Variants in WDFY3 observed in about 807,000 individuals in gnomAD.
WDFY3 encodes the protein WD repeat and FYVE domain containing 3, also known as WD repeat and FYVE domain-containing protein 3.
In WDFY3, 66 loss-of-function variants were observed where a neutral mutation model predicts 409.6. The observed-to-expected ratio is 0.16, with a 90% confidence interval of 0.13 to 0.20. The LOEUF is 0.20. Ranked by LOEUF, WDFY3 falls within the 10% of genes least tolerant of loss-of-function variation. WDFY3 has a pLI of 1.00. For missense variants in WDFY3, 3,031 were observed against 4,298.1 expected, an observed-to-expected ratio of 0.71 and a Z score of 8.24; for synonymous variants, 1,521 against 1,537.1, an observed-to-expected ratio of 0.99 and a Z score of 0.25.
intron 61 of WDFY3, among the ~76,000 whole-genome samples, chr4:84,689,761 G>A (rs1436891642): frequency 1.3e-5 from 2 of 152,166 alleles, no homozygotes; most frequent in Non-Finnish European, 2.9e-5. Context: ...TAACTACCTT[G>A]TAGAATTGTG....
chr4:84,691,208 C>T (rs1407171537), intron 60 of WDFY3, among the ~76,000 whole-genome samples: 2 of 152,128 alleles, frequency 1.3e-5, no homozygotes, highest in Non-Finnish European at 2.9e-5. Flanking sequence ...GTTGCTGTTG[C>T]TTCTTGTGGG....
chr4:84,742,477 C>T (rs1446906574), intron 37 of WDFY3, among the ~76,000 whole-genome samples: 1 of 152,078 alleles, frequency 6.6e-6, no homozygotes, highest in African/African-American at 2.4e-5. Context: ...GTGTGTTTGC[C>T]ATATACATAT....
In WDFY3 at chr4:84,707,614, T is replaced by C. The variant is rs1480557118; in HGVS notation, c.8217+1295A>G. On this transcript the variant is annotated intron_variant, in intron 53 of 67. Coordinates refer to ENST00000295888, the MANE Select transcript of WDFY3 (RefSeq NM_014991.6). ...TTCCTATGAGATACATATTCAAATA[T>C]GAGTTGACAAAGTACTCCACTCCCT... is the stretch of plus-strand genomic sequence containing the variant. 3.3e-5 allele frequency among the ~76,000 whole-genome samples: 5 copies of C among 152,356 alleles called. No individual in the cohort carries two copies. In the South Asian group the frequency reaches 8.3e-4, roughly 25 times the overall value.
chr4:84,698,620 T>C (rs189819923), intron 56 of WDFY3, among the ~76,000 whole-genome samples: 1 of 152,250 alleles, frequency 6.6e-6, no homozygotes, highest in African/African-American at 2.4e-5. Flanking sequence ...CAAGGATGCA[T>C]GGACAAGAAG....
intron 17 of WDFY3, 98 bp downstream of exon 17, chr4:84,801,552 T>C (rs1164631959): frequency 3.0e-6 from 4 of 1,311,980 alleles, no homozygotes; most frequent in Non-Finnish European, 3.1e-6. Context: ...CATAGATAAC[T>C]GAATATATGT....
chr4:84,751,311 G>T, intron 36 of WDFY3, 172 bp downstream of exon 36: 1 of 659,372 alleles, frequency 1.5e-6, no homozygotes, highest in East Asian at 2.7e-5. Context: ...AGAACAAACT[G>T]ATAGGGTTTA....
At chr4:84,691,876 A>G (rs929567284) in intron 59 of WDFY3, 91 bp from the exon 60 acceptor site, 5 of 1,267,448 alleles carry the variant, frequency 3.9e-6, no homozygotes, top group Non-Finnish European at 5.3e-6. Context: ...TATTCATATA[A>G]ATCAAGCATC....
Position 84,860,523 on chromosome 4 carries a change from T to C in WDFY3, c.69A>G (p.Leu23=), listed in dbSNP as rs767352703. Residue 23 remains leucine (L), a synonymous_variant, in exon 4 of 68, where the codon TTA becomes TTG. Transcript: ENST00000295888. ...AGAGCCGGCGGAGGTGCATCAGTCC[T>C]AAGGCGTTGTCTTGTGGGCTGCACT... ...QEECSPQDNA[L]GLMHLRRLFT... 3 of 1,613,998 alleles carry C rather than the reference T, an allele frequency of 1.9e-6. No individual in the cohort carries two copies. Among genetic ancestry groups the C allele is most frequent in the East Asian group, 2.2e-5 (1 of 44,864 alleles).
In WDFY3 at chr4:84,690,621, A is replaced by T. The variant is rs370542215; in HGVS notation, c.9248T>A (p.Leu3083His). The T allele has an allele frequency of 3.7e-6, 6 of 1,614,034 alleles. No homozygotes were observed. The African/African-American group carries it at 6.7e-5, about 18-fold the overall frequency. ...YECLSEWGQILCAICPNPKLV... is the reference protein window; with the variant it reads ...YECLSEWGQIHCAICPNPKLV... ...CTTGGGGTTGGGGCAGATTGCACAG[A>T]GAATCTGGCCCCACTCAGACAAGCA... The change falls in exon 61 of 68, where the codon CTC (leucine) becomes CAC (histidine). Residue 3083 changes from leucine to histidine, a missense_variant. Physicochemically the swap from Leu to His is moderately conservative, Grantham distance 99. Coordinates refer to ENST00000295888, the MANE Select transcript of WDFY3 (RefSeq NM_014991.6).
chr4:84,881,156 G>A (rs539346154), intron 3 of WDFY3, among the ~76,000 whole-genome samples: 30 of 151,830 alleles, frequency 2.0e-4, no homozygotes, highest in African/African-American at 5.8e-4. Context: ...CCATACATAC[G>A]CATCAATTGC....
At chr4:84,723,739 G>C (rs2149099554) in intron 46 of WDFY3, among the ~76,000 whole-genome samples, 1 of 152,336 alleles carries the variant, frequency 6.6e-6, no homozygotes, top group East Asian at 1.9e-4. Flanking sequence ...TCAGTGAACA[G>C]AGGAGTTGGA....
chr4:84,847,897 C>A, intron 5 of WDFY3, among the ~76,000 whole-genome samples: 1 of 128,702 alleles, frequency 7.8e-6, no homozygotes, highest in Admixed American at 7.5e-5. Flanking sequence ...AAATGAAAAA[C>A]ATTTTTTAAA....
At chr4:84,947,645 A>T (rs1162981437) in intron 1 of WDFY3, among the ~76,000 whole-genome samples, 2 of 150,076 alleles carry the variant, frequency 1.3e-5, no homozygotes, top group Admixed American at 1.3e-4. Flanking sequence ...CAAGGCAGTC[A>T]AGATCGCTTG....
At chr4:84,683,005 T>C (rs1727657087) in intron 63 of WDFY3, 1 of 153,890 alleles carries the variant, frequency 6.5e-6, no homozygotes, top group Non-Finnish European at 1.4e-5. Flanking sequence ...AAAAACATAG[T>C]TCAACTAAGT....
At chr4:84,777,430 G>A (rs376955267) in intron 27 of WDFY3, among the ~76,000 whole-genome samples, 4 of 152,030 alleles carry the variant, frequency 2.6e-5, no homozygotes, top group Non-Finnish European at 2.9e-5. Flanking sequence ...TAAGAAAGAT[G>A]TAAGAACCAG....
Position 84,743,798 on chromosome 4 carries a change from G to T in WDFY3, c.5975C>A (p.Ala1992Asp). 6.4e-7 allele frequency: 1 copy of T among 1,554,850 alleles called. No individual in the cohort carries two copies. ...AGTTCTTGTAGACCTTTCAGGGGAA[G>T]CCTAATCAAGAAAATTTAGAATTAG... ...QTPLIDLLLEASPERSTRTQQ... is the reference protein window; with the variant it reads ...QTPLIDLLLEDSPERSTRTQQ... The change falls in exon 37 of 68, where the codon GCT (alanine) becomes GAT (aspartate). Residue 1992 changes from alanine to aspartate, a missense_variant and splice_region_variant. By Grantham distance (126) the Ala-to-Asp change is moderately radical (BLOSUM62 -2). Around this residue, in one of 16 missense-constraint regions of WDFY3, gnomAD observed 314 missense variants for 397.4 expected, o/e 0.79. Transcript: ENST00000295888.
intron 1 of WDFY3, among the ~76,000 whole-genome samples, chr4:84,942,563 T>C (rs1399403713): frequency 6.6e-6 from 1 of 152,218 alleles, no homozygotes; most frequent in African/African-American, 2.4e-5. Context: ...CTAATGAATA[T>C]GTTTGAATTT....
chr4:84,733,451 C>A lies in WDFY3; in HGVS notation c.7152G>T (p.Met2384Ile). The change falls in exon 44 of 68, where the codon ATG becomes ATT. Residue 2384 changes from methionine (M) to isoleucine (I), a missense_variant. Physicochemically the swap from Met to Ile is conservative, Grantham distance 10 (BLOSUM62 1). This residue lies in a region of WDFY3 where 98 missense variants were observed against 194.9 expected (regional missense o/e 0.50). Coordinates refer to ENST00000295888, the MANE Select transcript of WDFY3 (RefSeq NM_014991.6). Reference protein sequence around the residue: ...TEGPCRMRKKMVRNDMFYNHY... With the variant: ...TEGPCRMRKKIVRNDMFYNHY... The stretch of plus-strand genomic sequence containing the variant: ...GGTTATAAAACATATCATTTCGCAC[C>A]ATCTTTTTCCTCATCCTGCAGGGCC... 1 of 1,613,986 alleles carries A rather than the reference C, an allele frequency of 6.2e-7. No individual in the cohort carries two copies. The highest frequency in any genetic ancestry group is 8.5e-7 in the Non-Finnish European group (1 of 1,179,998).
rs1490471991 is a variant in WDFY3 at position 84,860,597 on chromosome 4, C to G, written c.-6G>C. On this transcript the variant is annotated 5_prime_UTR_variant, in exon 4 of 68. Coordinates refer to ENST00000295888, the MANE Select transcript of WDFY3 (RefSeq NM_014991.6). Reference sequence around the variant, plus strand: ...ATCCTCTTCACCATGTTCATCTTGGCTGGTTGGTGAGACGCACTTCTAATT... The same window carrying G: ...ATCCTCTTCACCATGTTCATCTTGGGTGGTTGGTGAGACGCACTTCTAATT... 1.2e-5 allele frequency: 19 copies of G among 1,594,090 alleles called. No homozygotes were observed. The highest frequency in any genetic ancestry group is 1.5e-5 in the Non-Finnish European group (17 of 1,166,404).
Sources: allele counts gnomAD v4.1 joint callset (sites outside exome capture counted in the v4.1 genomes callset), GRCh38; gene constraint gnomAD v4.1.1; regional missense constraint gnomAD v4.1.1; transcripts MANE v1.5; gene names NCBI Gene and HGNC (gene_info 2026-07-23, HGNC 2026-07-21).